Variants in NEUROD4 observed in about 807,000 individuals in gnomAD.
NEUROD4 encodes neurogenic differentiation factor 4.
A neutral mutation model predicts 19.8 loss-of-function variants in NEUROD4; 16 were observed. The observed-to-expected ratio is 0.81, with a 90% confidence interval of 0.55 to 1.23. The LOEUF (loss-of-function observed/expected upper bound fraction) is 1.23, where lower values mean the gene tolerates loss of function less well. Ranked by LOEUF, NEUROD4 falls within the 50% of genes most tolerant of loss-of-function variation. NEUROD4 has a pLI of 0.00. For missense variants in NEUROD4, 439 were observed against 398.6 expected, an observed-to-expected ratio of 1.10 and a Z score of -0.86; for synonymous variants, 153 against 147.9, an observed-to-expected ratio of 1.03 and a Z score of -0.25.
chr12:55,026,501 T>G lies in NEUROD4; in HGVS notation c.62T>G (p.Met21Arg). The G allele has an allele frequency of 6.2e-7, 1 of 1,613,858 alleles. No homozygotes were observed. The highest frequency in any genetic ancestry group is 8.5e-7 in the Non-Finnish European group (1 of 1,179,856). ...MGELVNTPSWMDKGLGSQNEV... is the reference protein window; with the variant it reads ...MGELVNTPSWRDKGLGSQNEV... ...GAGCTAGTCAACACACCATCCTGGA[T>G]GGATAAAGGTCTGGGCTCCCAAAAT... The change falls in exon 2 of 2, where the codon ATG (methionine) becomes AGG (arginine). Residue 21 changes from methionine to arginine, a missense_variant. Met to Arg is a moderately conservative substitution (Grantham distance 91). Coordinates refer to ENST00000242994, the MANE Select transcript of NEUROD4 (RefSeq NM_021191.3).
intron 1 of NEUROD4, among the ~76,000 whole-genome samples, chr12:55,023,457 T>C (rs889477311): frequency 5.3e-5 from 8 of 152,356 alleles, no homozygotes; most frequent in South Asian, 2.1e-4. Context: ...TTTTTTATTA[T>C]ATTTTTCTCT....
chr12:55,027,061 G>A lies in NEUROD4; in HGVS notation c.622G>A (p.Gly208Arg), dbSNP rs1952742207. 1 of 1,614,008 alleles carries A rather than the reference G, an allele frequency of 6.2e-7. No homozygotes were observed. Among genetic ancestry groups the A allele is most frequent in the Non-Finnish European group, 8.5e-7 (1 of 1,179,976 alleles). ...SVHNFNYQSP[G>R]LPSPPYGHME... ...CCACAACTTCAACTATCAGTCTCCG[G>A]GGCTTCCTAGCCCTCCTTATGGTCA... The change falls in exon 2 of 2, where the codon GGG (glycine) becomes AGG (arginine). Residue 208 changes from glycine (G) to arginine (R), a missense_variant. Coordinates refer to ENST00000242994, the MANE Select transcript of NEUROD4 (RefSeq NM_021191.3).
chr12:55,022,013 C>G, intron 1 of NEUROD4, among the ~76,000 whole-genome samples: 1 of 152,130 alleles, frequency 6.6e-6, no homozygotes, highest in East Asian at 1.9e-4. Context: ...CAGACTTTCT[C>G]AAACAGCTTC....
rs1376637119 is a variant in NEUROD4, at chr12:55,028,680, C to G, written c.*1245C>G. 9 of 167,022 alleles carry G rather than the reference C, an allele frequency of 5.4e-5. No homozygotes were observed. The highest frequency in any genetic ancestry group is 2.2e-4 in the African/African-American group (9 of 41,432). The allele number at this position is 167,022 out of a possible 1,614,324, so 10.3% of individuals were successfully genotyped here. The stretch of plus-strand genomic sequence containing the variant: ...CCCCCTACACTAATTGTTACCTCTT[C>G]CTCACTTCTAAGATAGAATATGTTA... On this transcript the variant is annotated 3_prime_UTR_variant, in exon 2 of 2. Coordinates refer to ENST00000242994, the MANE Select transcript of NEUROD4 (RefSeq NM_021191.3).
At chr12:55,020,539 A>G (rs1952667676) in intron 1 of NEUROD4, among the ~76,000 whole-genome samples, 5 of 152,244 alleles carry the variant, frequency 3.3e-5, no homozygotes, top group Admixed American at 3.3e-4. Flanking sequence ...CCAAAGTGAA[A>G]CACATAGACA....
chr12:55,027,373 T>C lies in NEUROD4; in HGVS notation c.934T>C (p.Ser312Pro). Residue 312 changes from serine (S) to proline (P), a missense_variant, in exon 2 of 2, where the codon TCC (serine) becomes CCC (proline). Transcript: ENST00000242994. ...CCGTTATGATGTTCCTATAGACATG[T>C]CCTATGATTCCTACCCCCATCATGG... ...TPRYDVPIDMSYDSYPHHGIG... is the reference protein window; with the variant it reads ...TPRYDVPIDMPYDSYPHHGIG... The C allele has an allele frequency of 6.2e-7, 1 of 1,613,818 alleles. No homozygotes were observed.
intron 1 of NEUROD4, among the ~76,000 whole-genome samples, chr12:55,021,198 A>G (rs866933146): frequency 3.7e-4 from 57 of 152,172 alleles, no homozygotes; most frequent in African/African-American, 1.3e-3. Context: ...GTGCACATAT[A>G]TTAATAAAGG....
Position 55,020,203 on chromosome 12 carries a change from C to A in NEUROD4, c.-120C>A, listed in dbSNP as rs750662965. 7.4e-6 allele frequency: 1 copy of A among 135,188 alleles called. No individual in the cohort carries two copies. The highest frequency in any genetic ancestry group is 1.5e-5 in the Non-Finnish European group (1 of 65,472). The allele number at this position is 135,188 out of a possible 1,614,324, so 8.4% of individuals were successfully genotyped here. ...GGTAACAACCGGGTTTGACATGGAT[C>A]GCTGAAAGCGTCTCTTCTACCATCT... On this transcript the variant is annotated 5_prime_UTR_variant, in exon 1 of 2. Transcript: ENST00000242994.
At chr12:55,026,187 T>TA (rs139546590) in intron 1 of NEUROD4, among the ~76,000 whole-genome samples, 9,426 of 152,070 alleles carry the variant, frequency 0.062, 742 homozygotes, top group African/African-American at 0.18. Context: ...ATTCATGAGA[T>TA]AAAAAATCTA....
Position 55,026,555 on chromosome 12 carries a change from G to A in NEUROD4, c.116G>A (p.Gly39Asp). Residue 39 changes from glycine to aspartate, a missense_variant, in exon 2 of 2, where the codon GGT (glycine) becomes GAT (aspartate). Gly to Asp is a moderately conservative substitution (Grantham distance 94, BLOSUM62 -1). Transcript: ENST00000242994. ...NEVKEEESRPGTYGMLSSLTE... is the reference protein window; with the variant it reads ...NEVKEEESRPDTYGMLSSLTE... Reference sequence around the variant, plus strand: ...GTGAAGGAGGAAGAGAGCAGACCAGGTACTTATGGGATGCTCAGCAGCTTA... The same window carrying A: ...GTGAAGGAGGAAGAGAGCAGACCAGATACTTATGGGATGCTCAGCAGCTTA... The A allele has an allele frequency of 1.2e-6, 2 of 1,614,050 alleles. No individual in the cohort carries two copies. Among genetic ancestry groups the A allele is most frequent in the East Asian group, 2.2e-5 (1 of 44,874 alleles).
At chr12:55,026,256 A>T (rs564954988) in intron 1 of NEUROD4, among the ~76,000 whole-genome samples, 175 bp from the exon 2 acceptor site, 1 of 152,306 alleles carries the variant, frequency 6.6e-6, no homozygotes, top group Admixed American at 6.5e-5. Flanking sequence ...CTTTTTCTAT[A>T]ATATATTTTC....
In NEUROD4 at chr12:55,027,374, C is replaced by T; in HGVS notation, c.935C>T (p.Ser312Phe). 6.2e-7 allele frequency: 1 copy of T among 1,613,694 alleles called. No individual in the cohort carries two copies. Among genetic ancestry groups the T allele is most frequent in the South Asian group, 1.1e-5 (1 of 91,046 alleles). Residue 312 changes from serine to phenylalanine, a missense_variant, in exon 2 of 2, where the codon TCC becomes TTC. Ser to Phe is a radical substitution (Grantham distance 155, BLOSUM62 -2). Transcript: ENST00000242994. The part of the protein sequence containing the change: ...TPRYDVPIDM[S>F]YDSYPHHGIG... Reference sequence around the variant, plus strand: ...CGTTATGATGTTCCTATAGACATGTCCTATGATTCCTACCCCCATCATGGT... The same window carrying T: ...CGTTATGATGTTCCTATAGACATGTTCTATGATTCCTACCCCCATCATGGT...
Position 55,027,722 on chromosome 12 carries a change from G to A in NEUROD4, c.*287G>A. On this transcript the variant is annotated 3_prime_UTR_variant, in exon 2 of 2. Coordinates refer to ENST00000242994, the MANE Select transcript of NEUROD4 (RefSeq NM_021191.3). ...ATTCCAGTGGTGCCAAAAACTCATT[G>A]CATAATCTGTGCCAATTAATTTTCC... 3.0e-6 allele frequency: 1 copy of A among 335,742 alleles called. No individual in the cohort carries two copies. The highest frequency in any genetic ancestry group is 5.7e-6 in the Non-Finnish European group (1 of 176,832). The allele number at this position is 335,742 out of a possible 1,614,324, so 20.8% of individuals were successfully genotyped here. A position where few individuals can be genotyped will look rare whatever the true frequency, so the allele number is the denominator to read the frequency against.
At position 55,027,223 on chromosome 12, in the gene NEUROD4, A is replaced by T. The variant is rs769426820; in HGVS notation, c.784A>T (p.Asn262Tyr). 4 of 1,614,130 alleles carry T rather than the reference A, an allele frequency of 2.5e-6. No individual in the cohort carries two copies. In the Admixed American group the frequency reaches 6.7e-5, roughly 27 times the overall value. ...CACTCCACCCCTGAGCATCAGTGGGAACTTCTCCTTGAAGCAAGATGGGTC... is the reference window on the plus strand; with the variant it reads ...CACTCCACCCCTGAGCATCAGTGGGTACTTCTCCTTGAAGCAAGATGGGTC... The part of the protein sequence containing the change: ...PLTPPLSISG[N>Y]FSLKQDGSPD... The change falls in exon 2 of 2, where the codon AAC becomes TAC. Residue 262 changes from asparagine (N) to tyrosine (Y), a missense_variant. Asn to Tyr is a moderately radical substitution (Grantham distance 143). Transcript: ENST00000242994.
chr12:55,027,542 CA>C lies in NEUROD4; in HGVS notation c.*110del. On this transcript the variant is annotated 3_prime_UTR_variant, in exon 2 of 2. Transcript: ENST00000242994. ...TTAAAGGATCCCTATGGATATATAT[CA>C]AACAATAGTTCAAGTCCATTTAGGC... The C allele has an allele frequency of 9.4e-6, 10 of 1,060,174 alleles. No homozygotes were observed. The highest frequency in any genetic ancestry group is 1.1e-5 in the Non-Finnish European group (8 of 721,822). 65.7% of individuals were successfully genotyped at this position (1,060,174 alleles called of 1,614,324 possible). A position where few individuals can be genotyped will look rare whatever the true frequency, so the allele number is the denominator to read the frequency against.
In NEUROD4 at chr12:55,026,742, T is replaced by A. The variant is rs1261725648; in HGVS notation, c.303T>A (p.His101Gln). Reference sequence around the variant, plus strand: ...ATGCCAGAGAACGGACCCGGATGCATGGCCTGAATGACGCCCTGGATAACC... The same window carrying A: ...ATGCCAGAGAACGGACCCGGATGCAAGGCCTGAATGACGCCCTGGATAACC... ...KANARERTRM[H>Q]GLNDALDNLR... The change falls in exon 2 of 2, where the codon CAT becomes CAA. Residue 101 changes from histidine (H) to glutamine (Q), a missense_variant. Coordinates refer to ENST00000242994, the MANE Select transcript of NEUROD4 (RefSeq NM_021191.3). The A allele has an allele frequency of 1.4e-5, 22 of 1,614,188 alleles. No homozygotes were observed. The highest frequency in any genetic ancestry group is 1.9e-5 in the Non-Finnish European group (22 of 1,180,022).
At chr12:55,024,523 G>A (rs1952704495) in intron 1 of NEUROD4, among the ~76,000 whole-genome samples, 1 of 152,134 alleles carries the variant, frequency 6.6e-6, no homozygotes, top group Non-Finnish European at 1.5e-5. Flanking sequence ...AATTACATGG[G>A]GAGCATTAGG....
Position 55,026,645 on chromosome 12 carries a change from G to T in NEUROD4, c.206G>T (p.Arg69Ile), listed in dbSNP as rs755506417. ...GAAGAAGATGGGGAGAAACCTAAGA[G>T]AAGGGGTCCCAAGAAAAAGAAGATG... ...EEEEDGEKPK[R>I]RGPKKKKMTK... Residue 69 changes from arginine to isoleucine, a missense_variant, in exon 2 of 2, where the codon AGA becomes ATA. Arg to Ile is a moderately conservative substitution (Grantham distance 97). Coordinates refer to ENST00000242994, the MANE Select transcript of NEUROD4 (RefSeq NM_021191.3). 9.3e-6 allele frequency: 15 copies of T among 1,613,966 alleles called. No homozygotes were observed. Among genetic ancestry groups the T allele is most frequent in the Non-Finnish European group, 1.3e-5 (15 of 1,179,906 alleles).
Position 55,026,943 on chromosome 12 carries a change from C to T in NEUROD4, c.504C>T (p.Asn168=). The change falls in exon 2 of 2, where the codon AAC becomes AAT. Residue 168 remains asparagine, a synonymous_variant. Transcript: ENST00000242994. Reference sequence around the variant, plus strand: ...AAGGGCTCTCTCAGCCCACAAGCAACCTGGTGGCTGGATGTCTCCAACTGG... The same window carrying T: ...AAGGGCTCTCTCAGCCCACAAGCAATCTGGTGGCTGGATGTCTCCAACTGG... ...LCKGLSQPTS[N]LVAGCLQLGP... is the part of the protein sequence containing the mutation. The T allele has an allele frequency of 6.2e-7, 1 of 1,614,162 alleles. No homozygotes were observed. Among genetic ancestry groups the T allele is most frequent in the Non-Finnish European group, 8.5e-7 (1 of 1,180,028 alleles).
Sources: allele counts gnomAD v4.1 joint callset (sites outside exome capture counted in the v4.1 genomes callset), GRCh38; gene constraint gnomAD v4.1.1; transcripts MANE v1.5; gene names NCBI Gene and HGNC (gene_info 2026-07-23, HGNC 2026-07-21).